NBEA: variants seen among roughly 807,000 people sequenced by gnomAD.
NBEA encodes the protein neurobeachin.
NBEA carries 44 observed loss-of-function variants against 343.4 expected under a neutral mutation model. The ratio of observed to expected loss-of-function variants is 0.13; its 90% CI spans 0.10 to 0.16. The LOEUF is 0.16. Among genes scored for constraint, NBEA ranks in the 10% least tolerant of loss-of-function variants. The pLI is 1.00. For synonymous variants in NBEA, 1,175 were observed against 1,238.7 expected, an observed-to-expected ratio of 0.95 and a Z score of 1.08; for missense variants, 2,555 against 3,631.3, an observed-to-expected ratio of 0.70 and a Z score of 7.62.
At chr13:35,245,860 A>T (rs2031106678) in intron 34 of NBEA, among the ~76,000 whole-genome samples, 1 of 152,018 alleles carries the variant, frequency 6.6e-6, no homozygotes, top group Non-Finnish European at 1.5e-5. Flanking sequence ...AGTTTCCCCC[A>T]ATTATTCCCC....
intron 44 of NBEA, among the ~76,000 whole-genome samples, chr13:35,559,918 G>A (rs1406099303): frequency 7.7e-6 from 1 of 129,682 alleles, no homozygotes; most frequent in Non-Finnish European, 1.6e-5. Context: ...GCGACAGAGC[G>A]AGACTCCGTC....
chr13:35,152,070 A>G (rs1171957857), intron 18 of NBEA, among the ~76,000 whole-genome samples: 1 of 152,148 alleles, frequency 6.6e-6, no homozygotes, highest in Non-Finnish European at 1.5e-5. Context: ...TTCTCTTTGC[A>G]TACTCTTCCC....
At chr13:35,267,552 A>G (rs533463125) in intron 34 of NBEA, among the ~76,000 whole-genome samples, 5 of 152,056 alleles carry the variant, frequency 3.3e-5, no homozygotes, top group African/African-American at 1.2e-4. Flanking sequence ...TACATTATCA[A>G]CAGAGTAAAA....
intron 18 of NBEA, among the ~76,000 whole-genome samples, chr13:35,149,433 T>TA (rs1168875972): frequency 6.6e-6 from 1 of 152,126 alleles, no homozygotes; most frequent in African/African-American, 2.4e-5. Context: ...ACTCACAGGT[T>TA]AAATAATTTG....
At chr13:34,963,337 T>C (rs1412595005) in intron 1 of NBEA, among the ~76,000 whole-genome samples, 1 of 152,016 alleles carries the variant, frequency 6.6e-6, no homozygotes, top group Non-Finnish European at 1.5e-5. Context: ...TCTCCTGTTC[T>C]TATGTGAACA....
chr13:35,384,970 C>G (rs775842064), intron 38 of NBEA, among the ~76,000 whole-genome samples: 3 of 152,140 alleles, frequency 2.0e-5, no homozygotes, highest in Non-Finnish European at 2.9e-5. Context: ...AAAATATTAT[C>G]TACTTTTTGA....
chr13:35,603,946 A>T (rs186144892), intron 47 of NBEA, among the ~76,000 whole-genome samples: 106 of 152,340 alleles, frequency 7.0e-4, no homozygotes, highest in African/African-American at 2.5e-3. Context: ...AGAGCAGAAG[A>T]AACTATATAT....
intron 41 of NBEA, among the ~76,000 whole-genome samples, chr13:35,542,611 TCTAA>T (rs1156452779): frequency 3.9e-5 from 6 of 152,168 alleles, no homozygotes; most frequent in Admixed American, 3.3e-4. Context: ...GCAGTTGTTC[TCTAA>T]CTTTTTTTCA....
intron 40 of NBEA, among the ~76,000 whole-genome samples, chr13:35,457,472 C>T (rs1446915699): frequency 6.6e-6 from 1 of 152,166 alleles, no homozygotes; most frequent in Non-Finnish European, 1.5e-5. Flanking sequence ...CCTGGACAAC[C>T]GCTAATCTAC....
intron 38 of NBEA, among the ~76,000 whole-genome samples, chr13:35,393,416 A>G (rs1462970052): frequency 6.6e-6 from 1 of 152,164 alleles, no homozygotes; most frequent in Non-Finnish European, 1.5e-5. Flanking sequence ...ATGATAACTT[A>G]GCTTTCATTG....
At chr13:35,559,163 T>TAG (rs2079733736) in intron 44 of NBEA, among the ~76,000 whole-genome samples, 1 of 152,232 alleles carries the variant, frequency 6.6e-6, no homozygotes, top group African/African-American at 2.4e-5. Context: ...GAAGCTTCAG[T>TAG]AATGCCATGA....
At chr13:35,203,810 C>T (rs41365947) in intron 31 of NBEA, among the ~76,000 whole-genome samples, 2,528 of 152,226 alleles carry the variant, frequency 0.017, 71 homozygotes, top group African/African-American at 0.053. Context: ...GCTTATACCA[C>T]TTTGATGATA....
chr13:35,509,249 G>A (rs546802396), intron 41 of NBEA, among the ~76,000 whole-genome samples: 3 of 152,190 alleles, frequency 2.0e-5, no homozygotes, highest in African/African-American at 7.2e-5. Context: ...GCACAAATTC[G>A]ATACACCGCC....
At chr13:35,144,188 G>A (rs910692866) in intron 18 of NBEA, among the ~76,000 whole-genome samples, 2 of 152,136 alleles carry the variant, frequency 1.3e-5, no homozygotes, top group African/African-American at 4.8e-5. Flanking sequence ...AGGGGAGTGT[G>A]GGTATACTTA....
chr13:35,039,035 G>T (rs2062552249), intron 1 of NBEA, among the ~76,000 whole-genome samples: 1 of 152,182 alleles, frequency 6.6e-6, no homozygotes, highest in African/African-American at 2.4e-5. Flanking sequence ...AGGCACTCAG[G>T]TTTGGACTGC....
chr13:35,416,212 T>G (rs1166651828), intron 38 of NBEA, among the ~76,000 whole-genome samples: 2 of 152,150 alleles, frequency 1.3e-5, no homozygotes, highest in Non-Finnish European at 2.9e-5. Flanking sequence ...TTTTCCTAAT[T>G]GAATACCCTT....
chr13:35,372,160 T>A (rs923958260), intron 38 of NBEA, among the ~76,000 whole-genome samples: 1 of 152,126 alleles, frequency 6.6e-6, no homozygotes, highest in African/African-American at 2.4e-5. Flanking sequence ...GATTGGCTGG[T>A]CTTTGGTTCC....
chr13:35,528,157 T>C (rs553916068), intron 41 of NBEA, among the ~76,000 whole-genome samples: 2 of 152,330 alleles, frequency 1.3e-5, no homozygotes, highest in South Asian at 4.1e-4. Flanking sequence ...GCAACAATTT[T>C]ACCCCAAGCA....
intron 10 of NBEA, among the ~76,000 whole-genome samples, chr13:35,090,810 T>C (rs59060731): frequency 0.028 from 4,277 of 151,942 alleles, 89 homozygotes; most frequent in South Asian, 0.075. Context: ...ACACCCTACA[T>C]GGACAGAATT....
Sources: gnomAD v4.1 joint callset for allele counts (sites outside exome capture counted in the v4.1 genomes callset) on GRCh38, gnomAD v4.1.1 for gene constraint, MANE v1.5 for transcripts, NCBI Gene and HGNC (gene_info 2026-07-23, HGNC 2026-07-21) for gene names.